Variants in WDR5B observed in about 807,000 individuals in gnomAD.
WDR5B encodes WD repeat-containing protein 5B.
A neutral mutation model predicts 24.0 loss-of-function variants in WDR5B; 17 were observed. The observed-to-expected ratio is 0.71, with a 90% confidence interval of 0.49 to 1.06. The LOEUF (loss-of-function observed/expected upper bound fraction) is 1.06, where lower values mean the gene tolerates loss of function less well. Among genes scored for constraint, WDR5B ranks in the 50% least tolerant of loss-of-function variants. The probability of loss-of-function intolerance (pLI) is 0.00; values close to 1 mark genes in which losing one functional copy is unlikely to be tolerated. For missense variants in WDR5B, 368 were observed against 384.1 expected, an observed-to-expected ratio of 0.96 and a Z score of 0.35; for synonymous variants, 150 against 146.4, an observed-to-expected ratio of 1.02 and a Z score of -0.18.
At position 122,415,498 on chromosome 3, in the gene WDR5B, C is replaced by T. The variant is rs2075730757; in HGVS notation, c.31G>A (p.Ala11Thr). 6.2e-7 allele frequency: 1 copy of T among 1,613,194 alleles called. No individual in the cohort carries two copies. The highest frequency in any genetic ancestry group is 8.5e-7 in the Non-Finnish European group (1 of 1,179,530). MATKESRDAK[A>T]QLALSSSANQ... is the part of the protein sequence containing the mutation. The stretch of plus-strand genomic sequence containing the variant: ...GCCGATGAGGAGAGGGCCAACTGTG[C>T]TTTGGCGTCTCTTGACTCCTTGGTT... Residue 11 changes from alanine (A) to threonine (T), a missense_variant, in exon 1 of 1, where the codon GCA (alanine) becomes ACA (threonine). By Grantham distance (58) the Ala-to-Thr change is moderately conservative. Transcript: ENST00000330689.
rs2075718520 is a variant in WDR5B, at chr3:122,414,014, A to G, written c.*522T>C. The G allele has an allele frequency of 1.2e-5, 2 of 160,664 alleles. No homozygotes were observed. Among genetic ancestry groups the G allele is most frequent in the South Asian group, 3.4e-4 (2 of 5,842 alleles). The allele number at this position is 160,664 out of a possible 1,614,324, so 10.0% of individuals were successfully genotyped here. A position where few individuals can be genotyped will look rare whatever the true frequency, so the allele number is the denominator to read the frequency against. ...ACATACACACCACAGAATACTACTC[A>G]GCCAAAAAAAAATAATGAAATCTTA... is the stretch of plus-strand genomic sequence containing the variant. On this transcript the variant is annotated 3_prime_UTR_variant, in exon 1 of 1. Coordinates refer to ENST00000330689, the MANE Select transcript of WDR5B (RefSeq NM_019069.4).
Position 122,414,747 on chromosome 3 carries a change from T to C in WDR5B, c.782A>G (p.Asn261Ser), listed in dbSNP as rs2075723592. ...CCACTTTCCACCAGTAACTGAAAAA[T>C]TGGCAAATATGCAATATTTCTCATT... ...HKNEKYCIFA[N>S]FSVTGGKWIV... Residue 261 changes from asparagine (N) to serine (S), a missense_variant, in exon 1 of 1, where the codon AAT (asparagine) becomes AGT (serine). By Grantham distance (46) the Asn-to-Ser change is conservative (BLOSUM62 1). Transcript: ENST00000330689. 4 of 1,614,024 alleles carry C rather than the reference T, an allele frequency of 2.5e-6. No individual in the cohort carries two copies. Among genetic ancestry groups the C allele is most frequent in the Middle Eastern group, 1.6e-4 (1 of 6,084 alleles).
rs758489009 is a variant in WDR5B at position 122,414,584 on chromosome 3, T to C, written c.945A>G (p.Ala315=). The C allele has an allele frequency of 6.2e-7, 1 of 1,614,214 alleles. No individual in the cohort carries two copies. The highest frequency in any genetic ancestry group is 1.1e-5 in the South Asian group (1 of 91,082). Residue 315 remains alanine (A), a synonymous_variant, in exon 1 of 1, where the codon GCA becomes GCG. Coordinates refer to ENST00000330689, the MANE Select transcript of WDR5B (RefSeq NM_019069.4). ...CHPTENLIAS[A]ALENDKTIKL... ...TAATTGTTTTGTCATTTTCTAATGC[T>C]GCTGATGCGATGAGGTTTTCTGTAG...
chr3:122,415,456 C>A lies in WDR5B; in HGVS notation c.73G>T (p.Val25Leu). ...LSSSANQSKEVPENPNYALKC... is the reference protein window; with the variant it reads ...LSSSANQSKELPENPNYALKC... ...AGAGCATAGTTTGGGTTTTCAGGCACTTCCTTGCTCTGATTGGCCGATGAG... is the reference window on the plus strand; with the variant it reads ...AGAGCATAGTTTGGGTTTTCAGGCAATTCCTTGCTCTGATTGGCCGATGAG... Residue 25 changes from valine (V) to leucine (L), a missense_variant, in exon 1 of 1, where the codon GTG (valine) becomes TTG (leucine). Coordinates refer to ENST00000330689, the MANE Select transcript of WDR5B (RefSeq NM_019069.4). 2 of 1,614,222 alleles carry A rather than the reference C, an allele frequency of 1.2e-6. No individual in the cohort carries two copies. Among genetic ancestry groups the A allele is most frequent in the Non-Finnish European group, 1.7e-6 (2 of 1,180,038 alleles).
chr3:122,415,408 T>C lies in WDR5B; in HGVS notation c.121A>G (p.Thr41Ala). The C allele has an allele frequency of 6.2e-7, 1 of 1,614,262 alleles. No homozygotes were observed. The highest frequency in any genetic ancestry group is 8.5e-7 in the Non-Finnish European group (1 of 1,180,044). Residue 41 changes from threonine to alanine, a missense_variant, in exon 1 of 1, where the codon ACG becomes GCG. Transcript: ENST00000330689. The part of the protein sequence containing the change: ...YALKCTLVGH[T>A]EAVSSVKFSP... ...AACTTAACTGATGACACTGCTTCCG[T>C]GTGTCCCACAAGAGTACATTTGAGA...
In WDR5B at chr3:122,412,244, T is replaced by G. The variant is rs1438991886; in HGVS notation, c.*2292A>C. 4.6e-5 allele frequency: 7 copies of G among 152,246 alleles called. No homozygotes were observed. The highest frequency in any genetic ancestry group is 4.1e-4 in the South Asian group (2 of 4,834). The allele number at this position is 152,246 out of a possible 1,614,324, so 9.4% of individuals were successfully genotyped here. ...CTAGGTTTTTTTTGCGTGTTTATCA[T>G]GTCTCCGTAGGTAAAGTGGGCAGAA... On this transcript the variant is annotated 3_prime_UTR_variant, in exon 1 of 1. Coordinates refer to ENST00000330689, the MANE Select transcript of WDR5B (RefSeq NM_019069.4).
In WDR5B at chr3:122,414,890, G is replaced by A. The variant is rs765523545; in HGVS notation, c.639C>T (p.Val213=). ...KTLVDDDNPP[V]SFVKFSPNGK... ...CATTTGGAGAAAATTTTACAAAAGA[G>A]ACAGGAGGGTTATCGTCATCAACGA... is the stretch of plus-strand genomic sequence containing the variant. Residue 213 remains valine (V), a synonymous_variant, in exon 1 of 1, where the codon GTC becomes GTT. Transcript: ENST00000330689. 6.2e-7 allele frequency: 1 copy of A among 1,614,172 alleles called. No homozygotes were observed. Among genetic ancestry groups the A allele is most frequent in the South Asian group, 1.1e-5 (1 of 91,080 alleles).
chr3:122,415,418 A>G lies in WDR5B; in HGVS notation c.111T>C (p.Leu37=), dbSNP rs370254444. 6.2e-7 allele frequency: 1 copy of G among 1,614,254 alleles called. No individual in the cohort carries two copies. The highest frequency in any genetic ancestry group is 8.5e-7 in the Non-Finnish European group (1 of 1,180,042). The change falls in exon 1 of 1, where the codon CTT becomes CTC. Residue 37 remains leucine (L), a synonymous_variant. Transcript: ENST00000330689. ...ENPNYALKCT[L]VGHTEAVSSV... ...ATGACACTGCTTCCGTGTGTCCCAC[A>G]AGAGTACATTTGAGAGCATAGTTTG...
rs1404628138 is a variant in WDR5B at position 122,414,229 on chromosome 3, C to T, written c.*307G>A. On this transcript the variant is annotated 3_prime_UTR_variant, in exon 1 of 1. Transcript: ENST00000330689. The stretch of plus-strand genomic sequence containing the variant: ...GAGATGGGAAAGTATTTACTAGGTA[C>T]AATGTATACTATTTGGGTGAGGGTA... The T allele has an allele frequency of 8.0e-6, 3 of 374,292 alleles. No homozygotes were observed. Among genetic ancestry groups the T allele is most frequent in the Admixed American group, 4.5e-5 (1 of 22,128 alleles). The allele number at this position is 374,292 out of a possible 1,614,324, so 23.2% of individuals were successfully genotyped here.
Position 122,412,204 on chromosome 3 carries a change from T to C in WDR5B, c.*2332A>G, listed in dbSNP as rs1453566212. 3 of 152,234 alleles carry C rather than the reference T, an allele frequency of 2.0e-5. No individual in the cohort carries two copies. Among genetic ancestry groups the C allele is most frequent in the Non-Finnish European group, 4.4e-5 (3 of 68,038 alleles). 9.4% of individuals were successfully genotyped at this position (152,234 alleles called of 1,614,324 possible). A position where few individuals can be genotyped will look rare whatever the true frequency, so the allele number is the denominator to read the frequency against. Reference sequence around the variant, plus strand: ...TGCTTTCAGTTAAATTATTGTGCTATTTTTTGCTTAATTTCTAGGTTTTTT... The same window carrying C: ...TGCTTTCAGTTAAATTATTGTGCTACTTTTTGCTTAATTTCTAGGTTTTTT... On this transcript the variant is annotated 3_prime_UTR_variant, in exon 1 of 1. Coordinates refer to ENST00000330689, the MANE Select transcript of WDR5B (RefSeq NM_019069.4).
In WDR5B at chr3:122,414,589, A is replaced by C; in HGVS notation, c.940T>G (p.Ser314Ala). The C allele has an allele frequency of 3.1e-6, 5 of 1,614,030 alleles. No homozygotes were observed. In the East Asian group the frequency reaches 1.1e-4, roughly 36 times the overall value. ...ACHPTENLIA[S>A]AALENDKTIK... ...GTTTTGTCATTTTCTAATGCTGCTG[A>C]TGCGATGAGGTTTTCTGTAGGATGA... Residue 314 changes from serine (S) to alanine (A), a missense_variant, in exon 1 of 1, where the codon TCA becomes GCA. Physicochemically the swap from Ser to Ala is moderately conservative, Grantham distance 99. Transcript: ENST00000330689.
chr3:122,415,290 T>C lies in WDR5B; in HGVS notation c.239A>G (p.Tyr80Cys), dbSNP rs1390055255. The C allele has an allele frequency of 6.2e-6, 10 of 1,614,128 alleles. No individual in the cohort carries two copies. In the African/African-American group the frequency reaches 8.0e-5, roughly 13 times the overall value. Residue 80 changes from tyrosine to cysteine, a missense_variant, in exon 1 of 1, where the codon TAT becomes TGT. Physicochemically the swap from Tyr to Cys is radical, Grantham distance 194. Transcript: ENST00000330689. Reference protein sequence around the residue: ...AYDGKYEKTLYGHNLEISDVA... With the variant: ...AYDGKYEKTLCGHNLEISDVA... ...ATCCGATATTTCCAAATTATGACCA[T>C]AGAGTGTTTTCTCATATTTTCCATC...
rs1385613173 is a variant in WDR5B at position 122,414,783 on chromosome 3, G to A, written c.746C>T (p.Thr249Ile). Residue 249 changes from threonine (T) to isoleucine (I), a missense_variant, in exon 1 of 1, where the codon ACT becomes ATT. Transcript: ENST00000330689. The stretch of plus-strand genomic sequence containing the variant: ...GCAATATTTCTCATTCTTATGACCA[G>A]TGTATGTTTTCAGGCACCTGCCTCT... Reference protein sequence around the residue: ...YSRGRCLKTYTGHKNEKYCIF... With the variant: ...YSRGRCLKTYIGHKNEKYCIF... 6.2e-7 allele frequency: 1 copy of A among 1,614,188 alleles called. No homozygotes were observed. The highest frequency in any genetic ancestry group is 8.5e-7 in the Non-Finnish European group (1 of 1,180,044).
Position 122,414,232 on chromosome 3 carries a change from T to G in WDR5B, c.*304A>C. The G allele has an allele frequency of 2.6e-6, 1 of 389,578 alleles. No homozygotes were observed. Among genetic ancestry groups the G allele is most frequent in the Non-Finnish European group, 4.6e-6 (1 of 215,452 alleles). The allele number at this position is 389,578 out of a possible 1,614,324, so 24.1% of individuals were successfully genotyped here. On this transcript the variant is annotated 3_prime_UTR_variant, in exon 1 of 1. Coordinates refer to ENST00000330689, the MANE Select transcript of WDR5B (RefSeq NM_019069.4). Reference sequence around the variant, plus strand: ...ATGGGAAAGTATTTACTAGGTACAATGTATACTATTTGGGTGAGGGTATAC... The same window carrying G: ...ATGGGAAAGTATTTACTAGGTACAAGGTATACTATTTGGGTGAGGGTATAC...
At position 122,414,290 on chromosome 3, in the gene WDR5B, C is replaced by T. The variant is rs983646632; in HGVS notation, c.*246G>A. 1.8e-6 allele frequency: 1 copy of T among 551,870 alleles called. No individual in the cohort carries two copies. The highest frequency in any genetic ancestry group is 1.9e-5 in the African/African-American group (1 of 52,692). The allele number at this position is 551,870 out of a possible 1,614,324, so 34.2% of individuals were successfully genotyped here. On this transcript the variant is annotated 3_prime_UTR_variant, in exon 1 of 1. Transcript: ENST00000330689. ...AGATTTCACCACTATGCAATATATC[C>T]CTGTAATAAAAGTGACATAAATCCA...
Position 122,414,487 on chromosome 3 carries a change from A to C in WDR5B, c.*49T>G. The C allele has an allele frequency of 1.9e-6, 3 of 1,541,218 alleles. No homozygotes were observed. The highest frequency in any genetic ancestry group is 2.6e-6 in the Non-Finnish European group (3 of 1,148,986). ...ATTAAAAGAAACCGTCTTTTTAAAT[A>C]TCCAAGTTTTTTGGCCAACTTGGCT... On this transcript the variant is annotated 3_prime_UTR_variant, in exon 1 of 1. Transcript: ENST00000330689.
rs1413047298 is a variant in WDR5B at position 122,414,957 on chromosome 3, C to T, written c.572G>A (p.Cys191Tyr). Reference protein sequence around the residue: ...LIVSGSYDGLCRIWDAASGQC... With the variant: ...LIVSGSYDGLYRIWDAASGQC... ...ACCTGATGCAGCATCCCAGATTCTA[C>T]AGAGGCCATCATAGCTACCTGACAC... The change falls in exon 1 of 1, where the codon TGT becomes TAT. Residue 191 changes from cysteine (C) to tyrosine (Y), a missense_variant. By Grantham distance (194) the Cys-to-Tyr change is radical. Transcript: ENST00000330689. 6.2e-7 allele frequency: 1 copy of T among 1,614,210 alleles called. No individual in the cohort carries two copies. Among genetic ancestry groups the T allele is most frequent in the Non-Finnish European group, 8.5e-7 (1 of 1,180,044 alleles).
Position 122,415,141 on chromosome 3 carries a change from A to G in WDR5B, c.388T>C (p.Cys130Arg), listed in dbSNP as rs763393770. ...TLKGHSNYVFCCNFNPPSNLI... is the reference protein window; with the variant it reads ...TLKGHSNYVFRCNFNPPSNLI... The stretch of plus-strand genomic sequence containing the variant: ...TTGGATGGCGGATTGAAGTTACAAC[A>G]AAAGACATAATTACTGTGCCCCTTC... Residue 130 changes from cysteine (C) to arginine (R), a missense_variant, in exon 1 of 1, where the codon TGT (cysteine) becomes CGT (arginine). Coordinates refer to ENST00000330689, the MANE Select transcript of WDR5B (RefSeq NM_019069.4). 3 of 1,614,152 alleles carry G rather than the reference A, an allele frequency of 1.9e-6. No individual in the cohort carries two copies. The highest frequency in any genetic ancestry group is 1.6e-4 in the Middle Eastern group (1 of 6,062).
Position 122,414,791 on chromosome 3 carries a change from T to C in WDR5B, c.738A>G (p.Lys246=). 1 of 1,614,190 alleles carries C rather than the reference T, an allele frequency of 6.2e-7. No homozygotes were observed. Among genetic ancestry groups the C allele is most frequent in the African/African-American group, 1.3e-5 (1 of 75,058 alleles). ...LWDYSRGRCL[K]TYTGHKNEKY... ...TCTCATTCTTATGACCAGTGTATGTTTTCAGGCACCTGCCTCTGCTATAAT... is the reference window on the plus strand; with the variant it reads ...TCTCATTCTTATGACCAGTGTATGTCTTCAGGCACCTGCCTCTGCTATAAT... Residue 246 remains lysine, a synonymous_variant, in exon 1 of 1, where the codon AAA becomes AAG. Coordinates refer to ENST00000330689, the MANE Select transcript of WDR5B (RefSeq NM_019069.4).
Sources: gnomAD v4.1 joint callset for allele counts on GRCh38, gnomAD v4.1.1 for gene constraint, MANE v1.5 for transcripts, NCBI Gene and HGNC (gene_info 2026-07-23, HGNC 2026-07-21) for gene names.